Variants in UGGT2 observed in about 807,000 individuals in gnomAD.
UGGT2 encodes the protein UDP-glucose glycoprotein glucosyltransferase 2.
Under a neutral mutation model 192.1 loss-of-function variants are expected in UGGT2, and 180 were observed. The observed-to-expected ratio is 0.94, with a 90% CI of 0.83 to 1.06. UGGT2 has a LOEUF of 1.06. UGGT2 is among the 50% of genes least tolerant of loss of function. UGGT2 has a pLI of 0.00. For synonymous variants in UGGT2, 580 were observed against 591.0 expected (o/e 0.98, Z 0.27); for missense variants, 1,849 against 1,795.7 (o/e 1.03, Z -0.54).
chr13:95,910,569 G>A (rs746706589), intron 20 of UGGT2, among the ~76,000 whole-genome samples: 1 of 152,074 alleles, frequency 6.6e-6, no homozygotes, highest in South Asian at 2.1e-4. Context: ...CCCAATACAG[G>A]AGCACCCAGA....
chr13:96,036,442 A>G (rs1482531113), intron 1 of UGGT2, among the ~76,000 whole-genome samples: 1 of 152,186 alleles, frequency 6.6e-6, no homozygotes, highest in Non-Finnish European at 1.5e-5. Context: ...AAGAAAGTTA[A>G]TGGATGCTGG....
intron 6 of UGGT2, among the ~76,000 whole-genome samples, chr13:95,997,454 C>T (rs1283105371): frequency 6.6e-6 from 1 of 151,994 alleles, no homozygotes; most frequent in Non-Finnish European, 1.5e-5. Context: ...ACCAGCCTGG[C>T]CAACATGGTG....
intron 38 of UGGT2, among the ~76,000 whole-genome samples, chr13:95,810,734 C>A (rs1185290378): frequency 6.6e-6 from 1 of 151,586 alleles, no homozygotes; most frequent in Non-Finnish European, 1.5e-5. Context: ...GCTATAGTAC[C>A]AAAAACACAA....
intron 22 of UGGT2, among the ~76,000 whole-genome samples, chr13:95,895,640 CATG>C (rs1310763139): frequency 6.6e-6 from 1 of 151,988 alleles, no homozygotes; most frequent in East Asian, 1.9e-4. Context: ...AAACATAAAT[CATG>C]ATGCTTCCAA....
rs779589286 is a variant in UGGT2 at position 95,832,800 on chromosome 13, A to G, written c.4528+127T>C. 65 of 1,397,802 alleles carry G rather than the reference A, an allele frequency of 4.7e-5. 1 individual carries two copies. Among genetic ancestry groups the G allele is most frequent in the Non-Finnish European group, 5.9e-5 (60 of 1,012,064 alleles). The allele number at this position is 1,397,802 out of a possible 1,614,324, so 86.6% of individuals were successfully genotyped here. A position where few individuals can be genotyped will look rare whatever the true frequency, so the allele number is the denominator to read the frequency against. The stretch of plus-strand genomic sequence containing the variant: ...CTACACAAAAATACACCTTTAAATT[A>G]TGCCACAGACTTTCTTAAAGAAATT... On this transcript the variant is annotated intron_variant, in intron 38 of 38. Coordinates refer to ENST00000376747, the MANE Select transcript of UGGT2 (RefSeq NM_020121.4).
chr13:95,945,446 T>C (rs1333335231), intron 15 of UGGT2, among the ~76,000 whole-genome samples: 1 of 152,164 alleles, frequency 6.6e-6, no homozygotes, highest in Non-Finnish European at 1.5e-5. Context: ...TGCTGCTTTG[T>C]ATTAAACCCT....
chr13:95,830,060 G>A (rs550371309), intron 38 of UGGT2, among the ~76,000 whole-genome samples: 25 of 152,292 alleles, frequency 1.6e-4, no homozygotes, highest in East Asian at 1.4e-3. Flanking sequence ...ATGGTGCTGG[G>A]AAAACTGGCT....
At chr13:95,927,955 CAT>C (rs1047012706) in intron 17 of UGGT2, among the ~76,000 whole-genome samples, 16 of 152,174 alleles carry the variant, frequency 1.1e-4, no homozygotes, top group African/African-American at 3.6e-4. Flanking sequence ...GGACACAGCA[CAT>C]GTTTCAGAGA....
intron 7 of UGGT2, chr13:95,991,123 T>C (rs549044352): frequency 1.3e-4 from 21 of 167,834 alleles, no homozygotes; most frequent in Admixed American, 3.0e-4. Flanking sequence ...CAGTCTATCA[T>C]TGATGGACAT....
chr13:95,936,892 C>T (rs766760334), intron 17 of UGGT2, 32 bp downstream of exon 17: 3 of 1,436,478 alleles, frequency 2.1e-6, no homozygotes, highest in East Asian at 2.5e-5. Flanking sequence ...TATAAATATT[C>T]ATCATGTATT....
chr13:95,936,395 T>G (rs1594379021), intron 17 of UGGT2, among the ~76,000 whole-genome samples: 1 of 152,254 alleles, frequency 6.6e-6, no homozygotes, highest in East Asian at 1.9e-4. Context: ...TTGATCCTTG[T>G]TACTGGGATA....
intron 29 of UGGT2, 103 bp from the exon 30 acceptor site, chr13:95,867,526 C>T: frequency 1.2e-6 from 1 of 813,734 alleles, no homozygotes; most frequent in South Asian, 1.7e-5. Context: ...AGTCCAATAA[C>T]ACTAGTGCAT....
chr13:95,937,019 A>T lies in UGGT2; in HGVS notation c.1882T>A (p.Phe628Ile), dbSNP rs1566726951. ...LPQALYNGEP[F>I]KHEEMNIKEL... ...TTAATATTCATCTCTTCATGTTTAA[A>T]GGGTTCACCATTATAAAGAGCTTGA... The change falls in exon 17 of 39, where the codon TTT (phenylalanine) becomes ATT (isoleucine). Residue 628 changes from phenylalanine to isoleucine, a missense_variant. Transcript: ENST00000376747. 6.2e-7 allele frequency: 1 copy of T among 1,607,310 alleles called. No individual in the cohort carries two copies. The highest frequency in any genetic ancestry group is 2.2e-5 in the East Asian group (1 of 44,806).
chr13:96,006,802 G>A (rs1022073160), intron 5 of UGGT2, among the ~76,000 whole-genome samples: 5 of 152,066 alleles, frequency 3.3e-5, no homozygotes, highest in African/African-American at 1.2e-4. Context: ...ACCACACATG[G>A]GAAACATCAT....
At chr13:95,842,728 C>T (rs1048075568) in intron 36 of UGGT2, among the ~76,000 whole-genome samples, 1 of 152,208 alleles carries the variant, frequency 6.6e-6, no homozygotes, top group Non-Finnish European at 1.5e-5. Context: ...ATGGATAAGG[C>T]CATCTGCCAG....
Position 95,805,270 on chromosome 13 carries a change from TA to T in UGGT2, c.4529-3459del, listed in dbSNP as rs199678189. On this transcript the variant is annotated intron_variant, in intron 38 of 38. Coordinates refer to ENST00000376747, the MANE Select transcript of UGGT2 (RefSeq NM_020121.4). ...CTCAGACCCATTAGTATGACTGCTA[TA>T]AAAAAAAAAAACCCAGAAAATAAGA... 8.0e-4 allele frequency among the ~76,000 whole-genome samples: 113 copies of T among 141,808 alleles called. 1 individual carries two copies. The highest frequency in any genetic ancestry group is 4.8e-3 in the South Asian group (22 of 4,578). 93.0% of individuals were successfully genotyped at this position (141,808 alleles called of 152,430 possible). A position where few individuals can be genotyped will look rare whatever the true frequency, so the allele number is the denominator to read the frequency against.
intron 37 of UGGT2, 43 bp downstream of exon 37, chr13:95,837,043 T>C (rs1887365326): frequency 1.4e-6 from 2 of 1,382,462 alleles, no homozygotes; most frequent in Non-Finnish European, 2.1e-6. Flanking sequence ...TATTTAAACA[T>C]TTCTGTATCT....
intron 37 of UGGT2, 28 bp from the exon 38 acceptor site, chr13:95,833,081 G>C (rs780337984): frequency 6.2e-7 from 1 of 1,605,212 alleles, no homozygotes; most frequent in Non-Finnish European, 8.5e-7. Flanking sequence ...TTTTGTTAAT[G>C]AAAGACCATG....
intron 10 of UGGT2, among the ~76,000 whole-genome samples, chr13:95,976,126 C>T (rs571214002): frequency 1.3e-5 from 2 of 152,304 alleles, no homozygotes; most frequent in East Asian, 3.9e-4. Context: ...CATCGTTCTA[C>T]TCTCTACCTC....
Sources: gnomAD v4.1 joint callset for allele counts (sites outside exome capture counted in the v4.1 genomes callset) on GRCh38, gnomAD v4.1.1 for gene constraint, MANE v1.5 for transcripts, NCBI Gene and HGNC (gene_info 2026-07-23, HGNC 2026-07-21) for gene names.